Variants in AK3 observed in about 807,000 individuals in gnomAD.
The protein encoded by AK3 is GTP:AMP phosphotransferase AK3, mitochondrial.
AK3 carries 27 observed loss-of-function variants against 23.7 expected under a neutral mutation model. That is an observed-to-expected ratio of 1.14 (90% CI 0.84 to 1.57). The LOEUF (loss-of-function observed/expected upper bound fraction) is 1.57, where lower values mean the gene tolerates loss of function less well. Among genes scored for constraint, AK3 ranks in the 40% most tolerant of loss-of-function variants. The pLI, the probability that AK3 is intolerant of heterozygous loss-of-function variation, is 0.00. For missense variants in AK3, 406 were observed against 285.6 expected (o/e 1.42, Z -3.04); for synonymous variants, 159 against 116.0 (o/e 1.37, Z -2.38).
chr9:4,740,896 G>A, intron 1 of AK3, 41 bp downstream of exon 1: 4 of 1,467,936 alleles, frequency 2.7e-6, no homozygotes, highest in South Asian at 2.7e-5. Context: ...AGTCCGACCC[G>A]GGTGACAGCG....
chr9:4,717,309 G>A (rs1018549002), intron 4 of AK3, among the ~76,000 whole-genome samples: 1 of 152,204 alleles, frequency 6.6e-6, no homozygotes, highest in Non-Finnish European at 1.5e-5. Flanking sequence ...GGCTCAGTAA[G>A]AAAACTGGAG....
chr9:4,734,303 C>T (rs181670672), intron 1 of AK3, among the ~76,000 whole-genome samples: 741 of 67,486 alleles, frequency 0.011, 5 homozygotes, highest in African/African-American at 0.032. Flanking sequence ...TTCTAGCCTC[C>T]AGAACTATAA....
rs1166367441 is a variant in AK3, at chr9:4,732,873, T to C, written c.151+8064A>G. On this transcript the variant is annotated intron_variant, in intron 1 of 4. Coordinates refer to ENST00000381809, the MANE Select transcript of AK3 (RefSeq NM_016282.4). Reference sequence around the variant, plus strand: ...AATAACAGTTCTCTCTCTCTCTCTTTTTTTTTTTTTTTCCAAAGAGCCAAT... The same window carrying C: ...AATAACAGTTCTCTCTCTCTCTCTTCTTTTTTTTTTTTCCAAAGAGCCAAT... Among the ~76,000 whole-genome samples, 161 of 149,634 alleles carry C rather than the reference T, an allele frequency of 1.1e-3. 1 individual carries two copies. Among genetic ancestry groups the C allele is most frequent in the African/African-American group, 3.5e-3 (145 of 41,164 alleles).
chr9:4,736,592 G>A (rs1307069404), intron 1 of AK3, among the ~76,000 whole-genome samples: 1 of 151,832 alleles, frequency 6.6e-6, no homozygotes, highest in East Asian at 1.9e-4. Context: ...ACTGACAGAA[G>A]TCTTGAAGAT....
intron 2 of AK3, among the ~76,000 whole-genome samples, chr9:4,721,786 C>A (rs1841903705): frequency 2.0e-5 from 3 of 152,174 alleles, no homozygotes; most frequent in Admixed American, 1.3e-4. Context: ...TACCTCTTAG[C>A]ACTTATATCT....
chr9:4,721,265 T>C (rs1231461537), intron 2 of AK3, among the ~76,000 whole-genome samples: 2 of 151,802 alleles, frequency 1.3e-5, no homozygotes, highest in Admixed American at 6.6e-5. Context: ...TAGCCACGTG[T>C]GCTGGTGGGC....
chr9:4,733,002 G>C (rs1369280988), intron 1 of AK3, among the ~76,000 whole-genome samples: 1 of 151,740 alleles, frequency 6.6e-6, no homozygotes, highest in African/African-American at 2.4e-5. Context: ...GCAGAATCAT[G>C]CCTGGCTAAT....
intron 4 of AK3, among the ~76,000 whole-genome samples, chr9:4,715,935 G>A (rs1841714696): frequency 6.6e-6 from 1 of 152,146 alleles, no homozygotes; most frequent in Admixed American, 6.5e-5. Flanking sequence ...AGAGCTAATC[G>A]GTGCCGACCC....
chr9:4,719,432 T>C (rs1421297278), intron 2 of AK3, 125 bp from the exon 3 acceptor site: 1 of 892,290 alleles, frequency 1.1e-6, no homozygotes, highest in Non-Finnish European at 1.7e-6. Context: ...ACAAAAGGAA[T>C]GAGGCTCACC....
intron 1 of AK3, among the ~76,000 whole-genome samples, chr9:4,738,886 C>G (rs2130918396): frequency 1.3e-5 from 2 of 151,610 alleles, no homozygotes; most frequent in African/African-American, 4.8e-5. Flanking sequence ...ATACTCCCAC[C>G]TCAGCCTCCA....
At chr9:4,729,804 C>G (rs1842112380) in intron 1 of AK3, among the ~76,000 whole-genome samples, 1 of 148,610 alleles carries the variant, frequency 6.7e-6, no homozygotes, top group African/African-American at 2.5e-5. Context: ...GCACTCCAGC[C>G]TTGGTGACAG....
chr9:4,720,042 G>A (rs2989447), intron 2 of AK3, among the ~76,000 whole-genome samples: 20,895 of 152,168 alleles, frequency 0.14, 1,659 homozygotes, highest in African/African-American at 0.22. Flanking sequence ...TCCAGCCTGG[G>A]TGACAGAGCA....
rs965692258 is a variant in AK3 at position 4,725,252 on chromosome 9, C to T, written c.152-2627G>A. On this transcript the variant is annotated intron_variant, in intron 1 of 4. Coordinates refer to ENST00000381809, the MANE Select transcript of AK3 (RefSeq NM_016282.4). ...TTGGCCAGGCTCGAAATCCTGACCT[C>T]GTGATCTGCCCGCCTCGGCCTCCCA... Among the ~76,000 whole-genome samples, 4 of 151,402 alleles carry T rather than the reference C, an allele frequency of 2.6e-5. No individual in the cohort carries two copies. The East Asian group carries it at 5.9e-4, about 22-fold the overall frequency.
chr9:4,735,794 A>AG (rs1554628331), intron 1 of AK3, among the ~76,000 whole-genome samples: 8 of 150,762 alleles, frequency 5.3e-5, no homozygotes, highest in Non-Finnish European at 1.2e-4. Context: ...AAAGAAAAAA[A>AG]TTTTAAAAGA....
intron 1 of AK3, among the ~76,000 whole-genome samples, chr9:4,726,404 A>G (rs1344252466): frequency 6.6e-6 from 1 of 152,150 alleles, no homozygotes; most frequent in East Asian, 1.9e-4. Context: ...TTTTTCAACT[A>G]AGTTTAAGTC....
chr9:4,731,194 G>T (rs956987999), intron 1 of AK3, among the ~76,000 whole-genome samples: 1 of 152,150 alleles, frequency 6.6e-6, no homozygotes, highest in Non-Finnish European at 1.5e-5. Context: ...ATGGGGGTTT[G>T]TTGTACAGAT....
chr9:4,740,886 A>C, intron 1 of AK3, 51 bp downstream of exon 1: 1 of 1,439,614 alleles, frequency 6.9e-7, no homozygotes, highest in Non-Finnish European at 9.2e-7. Context: ...TCGCCCGCGA[A>C]GTCCGACCCG....
intron 4 of AK3, among the ~76,000 whole-genome samples, chr9:4,715,391 C>CT (rs35400602): frequency 0.016 from 1,992 of 127,094 alleles, 44 homozygotes; most frequent in South Asian, 0.031. Context: ...TCCCTTACTA[C>CT]TTTTTTTTTT....
upstream of AK3, chr9:4,741,300 C>T (rs968893817): frequency 4.4e-5 from 19 of 434,300 alleles, no homozygotes; most frequent in African/African-American, 8.2e-5. Flanking sequence ...GCTACCCCGG[C>T]GCACCCCCCG....
Sources: allele counts gnomAD v4.1 joint callset (sites outside exome capture counted in the v4.1 genomes callset), GRCh38; gene constraint gnomAD v4.1.1; transcripts MANE v1.5; gene names NCBI Gene and HGNC (gene_info 2026-07-23, HGNC 2026-07-21).